The following PRELID2 variants were observed in gnomAD, a reference collection of about 807,000 sequenced individuals.
PRELID2 encodes the protein PRELI domain containing 2, also known as PRELI domain-containing protein 2.
In PRELID2, 25 loss-of-function variants were observed where a neutral mutation model predicts 28.4. That is an observed-to-expected ratio of 0.88 (90% CI 0.64 to 1.23). PRELID2 has a LOEUF of 1.23. Ranked by LOEUF, PRELID2 falls within the 50% of genes most tolerant of loss-of-function variation. The pLI is 0.00. For synonymous variants in PRELID2, 76 were observed against 71.6 expected (o/e 1.06, Z -0.31); for missense variants, 201 against 214.4 (o/e 0.94, Z 0.39).
the PRELID2 span, among the ~76,000 whole-genome samples, chr5:145,336,398 T>C: frequency 6.6e-6 from 1 of 151,678 alleles, no homozygotes; most frequent in Non-Finnish European, 1.5e-5. Context: ...AGGGTTTTTA[T>C]GGTTTTAGGT....
chr5:145,745,985 A>G (rs529324406), intron 1 of PRELID2, among the ~76,000 whole-genome samples: 1 of 152,370 alleles, frequency 6.6e-6, no homozygotes, highest in East Asian at 1.9e-4. Flanking sequence ...AGTTACCACC[A>G]GGCCTGCCTT....
intron 1 of PRELID2, among the ~76,000 whole-genome samples, chr5:145,730,671 A>G (rs891175293): frequency 6.6e-6 from 1 of 152,116 alleles, no homozygotes. Context: ...CAAGCCCCTC[A>G]TTCTAAAGTT....
At chr5:145,522,230 A>G (rs1320341241) in intron 1 of PRELID2, among the ~76,000 whole-genome samples, 1 of 152,212 alleles carries the variant, frequency 6.6e-6, no homozygotes, top group African/African-American at 2.4e-5. Context: ...ATTTATTTGA[A>G]CTATATCTAT....
chr5:145,358,377 A>G, the PRELID2 span, among the ~76,000 whole-genome samples: 1 of 151,974 alleles, frequency 6.6e-6, no homozygotes, highest in South Asian at 2.1e-4. Context: ...TGAGCTCTGC[A>G]GCCATTGTCC....
chr5:145,316,807 T>C, the PRELID2 span, among the ~76,000 whole-genome samples: 1 of 152,234 alleles, frequency 6.6e-6, no homozygotes, highest in African/African-American at 2.4e-5. Context: ...TAAACAGAGT[T>C]CTGCAAAAGC....
chr5:145,441,089 T>C, the PRELID2 span: 1 of 152,086 alleles, frequency 6.6e-6, no homozygotes, highest in Admixed American at 6.6e-5. Context: ...AAGACAAAAA[T>C]GGAAACGGCT....
chr5:145,229,862 G>A, the PRELID2 span: 2 of 754,122 alleles, frequency 2.7e-6, no homozygotes, highest in South Asian at 1.4e-5. Context: ...AAGGGAAAGT[G>A]CAGGTGCCGG....
the PRELID2 span, among the ~76,000 whole-genome samples, chr5:145,319,120 C>T: frequency 1.4e-4 from 21 of 151,946 alleles, 1 homozygote; most frequent in South Asian, 1.5e-3. Flanking sequence ...TATAGGGGGG[C>T]GTTGTGGGTC....
At chr5:145,685,923 CA>C (rs1210975299) in intron 1 of PRELID2, among the ~76,000 whole-genome samples, 1 of 152,100 alleles carries the variant, frequency 6.6e-6, no homozygotes, top group Non-Finnish European at 1.5e-5. Context: ...AGGAAGGATC[CA>C]AAAAAGCTGC....
At chr5:145,286,375 A>G in the PRELID2 span, among the ~76,000 whole-genome samples, 1 of 152,170 alleles carries the variant, frequency 6.6e-6, no homozygotes, top group African/African-American at 2.4e-5. Flanking sequence ...CTGTGTTTCA[A>G]TTTAAATTAT....
At chr5:145,513,545 C>T (rs1260697500) in intron 1 of PRELID2, among the ~76,000 whole-genome samples, 2 of 151,998 alleles carry the variant, frequency 1.3e-5, no homozygotes, top group African/African-American at 4.8e-5. Context: ...AGAATGAAAC[C>T]CAGTGGGAAA....
At chr5:145,590,030 G>A (rs924198340) in intron 1 of PRELID2, among the ~76,000 whole-genome samples, 11 of 152,104 alleles carry the variant, frequency 7.2e-5, no homozygotes, top group Admixed American at 1.3e-4. Flanking sequence ...CTAGGATTAC[G>A]AAGGGAGTAT....
chr5:145,301,949 T>G, the PRELID2 span, among the ~76,000 whole-genome samples: 31,978 of 136,408 alleles, frequency 0.23, 3,091 homozygotes, highest in Non-Finnish European at 0.26. Context: ...TTTTTTTTTT[T>G]GCTAACTCTG....
chr5:145,545,076 T>C (rs1474930298), intron 1 of PRELID2, among the ~76,000 whole-genome samples: 2 of 152,138 alleles, frequency 1.3e-5, no homozygotes, highest in Non-Finnish European at 2.9e-5. Context: ...AATCACAAAA[T>C]CTTTTGTAAA....
chr5:145,549,249 T>C lies in PRELID2; in HGVS notation n.71-75934A>G, dbSNP rs147973758. On this transcript the variant is annotated intron_variant and non_coding_transcript_variant, in intron 1 of 2. Coordinates refer to the PRELID2 transcript ENST00000510259. ...ATTATGACAGGAGAGATCAAGTCTATTTTATTAATTTTAATATCCCTACCT... is the reference window on the plus strand; with the variant it reads ...ATTATGACAGGAGAGATCAAGTCTACTTTATTAATTTTAATATCCCTACCT... 6.6e-4 allele frequency among the ~76,000 whole-genome samples: 101 copies of C among 152,304 alleles called. 1 individual carries two copies. Among genetic ancestry groups the C allele is most frequent in the South Asian group, 5.0e-3 (24 of 4,826 alleles).
At chr5:145,496,471 G>A (rs563187218) in intron 1 of PRELID2, among the ~76,000 whole-genome samples, 2 of 152,282 alleles carry the variant, frequency 1.3e-5, no homozygotes, top group South Asian at 4.1e-4. Context: ...TTGGAGATCT[G>A]AAAGTAAGAG....
chr5:145,795,908 G>A (rs1433388966), intron 5 of PRELID2: 1 of 152,240 alleles, frequency 6.6e-6, no homozygotes, highest in African/African-American at 2.4e-5. Flanking sequence ...CATGGCTTCT[G>A]AATCACTTTC....
At chr5:145,755,958 C>T (rs534694738), downstream of PRELID2, among the ~76,000 whole-genome samples, 4 of 152,254 alleles carry the variant, frequency 2.6e-5, no homozygotes, top group South Asian at 8.3e-4. Flanking sequence ...AGGATAAATA[C>T]GAAACAGAAA....
At chr5:145,297,848 A>G in the PRELID2 span, among the ~76,000 whole-genome samples, 3 of 152,106 alleles carry the variant, frequency 2.0e-5, no homozygotes, top group East Asian at 5.8e-4. Flanking sequence ...GAGCCAAATC[A>G]TGAGTGAACT....
Sources: gnomAD v4.1 joint callset for allele counts (sites outside exome capture counted in the v4.1 genomes callset) on GRCh38, gnomAD v4.1.1 for gene constraint, MANE v1.5 for transcripts, NCBI Gene and HGNC (gene_info 2026-07-23, HGNC 2026-07-21) for gene names.